CDH18: variants seen among roughly 807,000 people sequenced by gnomAD.
CDH18 encodes cadherin-18.
CDH18 carries 31 observed loss-of-function variants against 67.9 expected under a neutral mutation model. The observed-to-expected ratio is 0.46, with a 90% CI of 0.34 to 0.62. The LOEUF (loss-of-function observed/expected upper bound fraction) is 0.62. CDH18 is among the 20% of genes least tolerant of loss of function. CDH18 has a pLI of 0.01. For synonymous variants in CDH18, 362 were observed against 347.2 expected (o/e 1.04, Z -0.48); for missense variants, 890 against 975.5 (o/e 0.91, Z 1.17).
chr5:20,106,186 C>G (rs73050741), intron 2 of CDH18, among the ~76,000 whole-genome samples: 2 of 152,076 alleles, frequency 1.3e-5, no homozygotes, highest in Non-Finnish European at 2.9e-5. Flanking sequence ...TCCAACTCTA[C>G]GAGTTTCATA....
intron 2 of CDH18, among the ~76,000 whole-genome samples, chr5:20,227,424 T>C (rs1335978081): frequency 1.3e-5 from 2 of 152,068 alleles, no homozygotes; most frequent in Non-Finnish European, 2.9e-5. Flanking sequence ...TGTGCTTCTG[T>C]TTCATAAACA....
chr5:19,755,870 C>T (rs189769779), intron 3 of CDH18, among the ~76,000 whole-genome samples: 29 of 152,134 alleles, frequency 1.9e-4, no homozygotes, highest in Non-Finnish European at 3.5e-4. Flanking sequence ...GCTATTTAGA[C>T]AGTGTCCACC....
intron 5 of CDH18, among the ~76,000 whole-genome samples, chr5:19,699,626 G>GTGTGTGTGTGTGTC (rs1762962071): frequency 4.9e-5 from 6 of 122,204 alleles, no homozygotes; most frequent in African/African-American, 6.8e-5. Context: ...GTGTGTGTGT[G>GTGTGTGTGTGTGTC]TGTGTGTGTG....
intron 2 of CDH18, among the ~76,000 whole-genome samples, chr5:20,242,627 T>C (rs1403421652): frequency 8.3e-6 from 1 of 119,904 alleles, no homozygotes; most frequent in African/African-American, 4.2e-5. Context: ...TATATATATA[T>C]ATATATGTAT....
At chr5:20,184,096 G>A (rs970254711) in intron 2 of CDH18, among the ~76,000 whole-genome samples, 8 of 152,020 alleles carry the variant, frequency 5.3e-5, no homozygotes, top group African/African-American at 1.7e-4. Context: ...TGCTATGAAA[G>A]TTATTGACTT....
At chr5:20,395,211 G>A (rs1366153309) in intron 1 of CDH18, among the ~76,000 whole-genome samples, 1 of 152,164 alleles carries the variant, frequency 6.6e-6, no homozygotes, top group African/African-American at 2.4e-5. Context: ...TAACTGATGA[G>A]TGGATAAAGA....
chr5:20,393,889 C>T (rs772289397), intron 1 of CDH18, among the ~76,000 whole-genome samples: 1 of 151,850 alleles, frequency 6.6e-6, no homozygotes, highest in Admixed American at 6.6e-5. Context: ...TGAAACACTG[C>T]TGAAAGAAAT....
intron 2 of CDH18, among the ~76,000 whole-genome samples, chr5:20,066,798 T>C (rs970151801): frequency 6.6e-6 from 1 of 151,960 alleles, no homozygotes; most frequent in East Asian, 1.9e-4. Flanking sequence ...ATTATGACAA[T>C]ATTAATAGTC....
At chr5:20,119,316 T>C (rs965932782) in intron 2 of CDH18, among the ~76,000 whole-genome samples, 3 of 152,166 alleles carry the variant, frequency 2.0e-5, no homozygotes, top group Admixed American at 2.0e-4. Context: ...ATATCTTCTT[T>C]ATATAAATCT....
chr5:19,780,135 A>G (rs770738934), intron 3 of CDH18, among the ~76,000 whole-genome samples: 4 of 152,116 alleles, frequency 2.6e-5, no homozygotes, highest in Non-Finnish European at 5.9e-5. Context: ...AGCTCCATCC[A>G]CAGAAGAGTG....
intron 2 of CDH18, among the ~76,000 whole-genome samples, chr5:20,024,550 A>G (rs973101809): frequency 6.6e-6 from 1 of 152,230 alleles, no homozygotes; most frequent in African/African-American, 2.4e-5. Flanking sequence ...AATGAAGACC[A>G]GAATTTACAG....
chr5:20,351,760 G>A (rs1452840313), intron 1 of CDH18, among the ~76,000 whole-genome samples: 3 of 152,128 alleles, frequency 2.0e-5, no homozygotes, highest in Non-Finnish European at 4.4e-5. Flanking sequence ...TTGGCTATTG[G>A]AATCAAAACT....
intron 1 of CDH18, among the ~76,000 whole-genome samples, chr5:20,266,096 T>C (rs1745012128): frequency 6.6e-6 from 1 of 152,154 alleles, no homozygotes; most frequent in Non-Finnish European, 1.5e-5. Flanking sequence ...TCTCCCCTGG[T>C]TCTCAGGCTT....
At chr5:19,656,197 T>A (rs1756363262) in intron 5 of CDH18, among the ~76,000 whole-genome samples, 1 of 152,028 alleles carries the variant, frequency 6.6e-6, no homozygotes, top group Admixed American at 6.6e-5. Flanking sequence ...ATAAGGCAAC[T>A]CTTTTCAGTA....
At chr5:20,420,055 T>C (rs901597791) in intron 1 of CDH18, among the ~76,000 whole-genome samples, 6 of 151,172 alleles carry the variant, frequency 4.0e-5, no homozygotes, top group Non-Finnish European at 7.3e-5. Context: ...CTTAGAGTAA[T>C]GCTGAACATT....
chr5:20,019,119 C>G (rs895317706), intron 2 of CDH18, among the ~76,000 whole-genome samples: 2 of 152,200 alleles, frequency 1.3e-5, no homozygotes, highest in Admixed American at 6.5e-5. Flanking sequence ...CTTAATGAAC[C>G]TGAGAATGTG....
chr5:20,499,613 G>C (rs1754125157), intron 1 of CDH18, among the ~76,000 whole-genome samples: 1 of 151,996 alleles, frequency 6.6e-6, no homozygotes, highest in Non-Finnish European at 1.5e-5. Flanking sequence ...TTGTCATTTT[G>C]AACTAATGCT....
intron 2 of CDH18, among the ~76,000 whole-genome samples, chr5:20,038,540 A>G (rs1740102704): frequency 6.6e-6 from 1 of 152,204 alleles, no homozygotes; most frequent in African/African-American, 2.4e-5. Context: ...CTGGTTCAAC[A>G]TATGCAAATC....
At chr5:20,402,357 G>C (rs1228795417) in intron 1 of CDH18, among the ~76,000 whole-genome samples, 4 of 152,152 alleles carry the variant, frequency 2.6e-5, no homozygotes, top group African/African-American at 9.7e-5. Flanking sequence ...TTGGAAAAAG[G>C]CCTGACATCA....
Sources: allele counts gnomAD v4.1 joint callset (sites outside exome capture counted in the v4.1 genomes callset), GRCh38; gene constraint gnomAD v4.1.1; transcripts MANE v1.5; gene names NCBI Gene and HGNC (gene_info 2026-07-23, HGNC 2026-07-21).